The following UBE2L3 variants were observed in gnomAD, a reference collection of about 807,000 sequenced individuals.
UBE2L3 encodes the protein ubiquitin-conjugating enzyme E2 L3.
UBE2L3 carries 1 observed loss-of-function variant against 17.8 expected under a neutral mutation model. That is an observed-to-expected ratio of 0.06 (90% confidence interval 0.02 to 0.27). The LOEUF (loss-of-function observed/expected upper bound fraction) is 0.27, where lower values mean the gene tolerates loss of function less well. UBE2L3 is among the 10% of genes least tolerant of loss of function. The probability of loss-of-function intolerance (pLI) is 1.00; values close to 1 mark genes in which losing one functional copy is unlikely to be tolerated. For missense variants in UBE2L3, 40 were observed against 192.6 expected (o/e 0.21, Z 4.69); for synonymous variants, 44 against 68.5 (o/e 0.64, Z 1.76).
intron 1 of UBE2L3, among the ~76,000 whole-genome samples, chr22:21,561,612 C>T (rs1309162183): frequency 1.3e-5 from 2 of 152,290 alleles, no homozygotes; most frequent in Non-Finnish European, 2.9e-5. Flanking sequence ...CATGCATCTT[C>T]CTGTCAGCTT....
intron 3 of UBE2L3, among the ~76,000 whole-genome samples, chr22:21,614,187 T>G (rs1199015829): frequency 2.6e-5 from 4 of 152,222 alleles, no homozygotes; most frequent in African/African-American, 9.6e-5. Context: ...GTGTCCCTGT[T>G]TTTCTGGTGC....
At chr22:21,595,756 G>A (rs1400649066) in intron 2 of UBE2L3, among the ~76,000 whole-genome samples, 1 of 152,094 alleles carries the variant, frequency 6.6e-6, no homozygotes, top group Non-Finnish European at 1.5e-5. Context: ...TACATTTTGT[G>A]TACTGCCCTT....
chr22:21,600,672 G>A (rs541948623), intron 2 of UBE2L3, among the ~76,000 whole-genome samples: 2 of 152,238 alleles, frequency 1.3e-5, no homozygotes, highest in African/African-American at 2.4e-5. Context: ...CTCCAGCCTG[G>A]GCGACAGAGT....
chr22:21,563,670 G>C (rs1288510700), upstream of UBE2L3, among the ~76,000 whole-genome samples: 2 of 143,480 alleles, frequency 1.4e-5, no homozygotes, highest in Non-Finnish European at 3.1e-5. Flanking sequence ...TCCCCCTCCC[G>C]GGTTCGAGCG....
rs180805219 is a variant in UBE2L3, at chr22:21,595,969, G to A, written c.123+3013G>A. Among the ~76,000 whole-genome samples the A allele has an allele frequency of 4.1e-3, 616 of 151,750 alleles. 6 individuals carry two copies. Among genetic ancestry groups the A allele is most frequent in the Non-Finnish European group, 5.4e-3 (368 of 67,894 alleles). On this transcript the variant is annotated intron_variant, in intron 2 of 3. Transcript: ENST00000342192. ...CAACCTCCGCCTCCCGGGTTCAAGCGATTCTCCTGCCTCAGCCTCCCAAGT... is the reference window on the plus strand; with the variant it reads ...CAACCTCCGCCTCCCGGGTTCAAGCAATTCTCCTGCCTCAGCCTCCCAAGT...
chr22:21,614,574 A>G, intron 3 of UBE2L3: 1 of 1,367,568 alleles, frequency 7.3e-7, no homozygotes, highest in Non-Finnish European at 9.8e-7. Flanking sequence ...AGCGTTCCCA[A>G]TTATGGCTTC....
chr22:21,615,728 T>C (rs1383425906), intron 3 of UBE2L3, among the ~76,000 whole-genome samples: 1 of 152,206 alleles, frequency 6.6e-6, no homozygotes, highest in Non-Finnish European at 1.5e-5. Context: ...TCGGCACTCG[T>C]CTATCACAGA....
At chr22:21,568,388 A>C (rs1267999423) in intron 1 of UBE2L3, 1 of 984,580 alleles carries the variant, frequency 1.0e-6, no homozygotes, top group Non-Finnish European at 1.2e-6. Context: ...GTAAGTTCCA[A>C]CTCCAGGAAG....
rs1930038947 is a variant in UBE2L3 at position 21,621,593 on chromosome 22, C to T, written c.389C>T (p.Ser130Phe). The T allele has an allele frequency of 5.6e-6, 9 of 1,611,334 alleles. No individual in the cohort carries two copies. The highest frequency in any genetic ancestry group is 7.6e-6 in the Non-Finnish European group (9 of 1,179,750). ...CGGGCTGACCTAGCTGAAGAATACT[C>T]TAAGGACCGTAAAAAATTCTGTAAG... The part of the protein sequence containing the change: ...PLRADLAEEY[S>F]KDRKKFCKNA... The change falls in exon 4 of 4, where the codon TCT becomes TTT. Residue 130 changes from serine to phenylalanine, a missense_variant. Transcript: ENST00000342192.
chr22:21,613,631 A>G (rs1929616662), intron 3 of UBE2L3, among the ~76,000 whole-genome samples: 1 of 152,156 alleles, frequency 6.6e-6, no homozygotes. Context: ...TATAACCCCT[A>G]TCAAAACTTT....
At chr22:21,559,894 G>A (rs957561982) in intron 1 of UBE2L3, among the ~76,000 whole-genome samples, 1 of 152,292 alleles carries the variant, frequency 6.6e-6, no homozygotes, top group African/African-American at 2.4e-5. Flanking sequence ...GCACTGGATG[G>A]GGCTGGATAC....
At chr22:21,595,612 T>G (rs1436840933) in intron 2 of UBE2L3, among the ~76,000 whole-genome samples, 3 of 152,198 alleles carry the variant, frequency 2.0e-5, no homozygotes, top group Non-Finnish European at 4.4e-5. Flanking sequence ...CCTAGAGACT[T>G]CATTGTTGCC....
chr22:21,592,513 A>G (rs565666755), intron 1 of UBE2L3, among the ~76,000 whole-genome samples: 1 of 152,186 alleles, frequency 6.6e-6, no homozygotes, highest in Non-Finnish European at 1.5e-5. Flanking sequence ...CTCCTGCCAC[A>G]TGTCTGCCCT....
At chr22:21,616,717 TG>T (rs1024105841) in intron 3 of UBE2L3, among the ~76,000 whole-genome samples, 2 of 150,072 alleles carry the variant, frequency 1.3e-5, no homozygotes, top group African/African-American at 2.5e-5. Flanking sequence ...CCCAGCTACT[TG>T]GGGGGCAAAA....
At chr22:21,561,103 G>C (rs1926416006) in intron 1 of UBE2L3, among the ~76,000 whole-genome samples, 2 of 152,254 alleles carry the variant, frequency 1.3e-5, no homozygotes, top group Non-Finnish European at 2.9e-5. Flanking sequence ...CTCAGGACTT[G>C]GTCTGGCCCT....
At chr22:21,591,089 C>G (rs1196310507) in intron 1 of UBE2L3, among the ~76,000 whole-genome samples, 8 of 152,292 alleles carry the variant, frequency 5.3e-5, no homozygotes, top group Non-Finnish European at 4.4e-5. Flanking sequence ...AGCAGGAGGA[C>G]CAGGTGGCAG....
intron 3 of UBE2L3, among the ~76,000 whole-genome samples, chr22:21,615,151 G>A (rs968204584): frequency 1.3e-5 from 2 of 151,720 alleles, no homozygotes; most frequent in African/African-American, 2.4e-5. Flanking sequence ...GCCAAACTCC[G>A]TCTCAAAACA....
At chr22:21,564,039 T>C (rs1926548375), upstream of UBE2L3, among the ~76,000 whole-genome samples, 1 of 138,896 alleles carries the variant, frequency 7.2e-6, no homozygotes, top group Admixed American at 7.1e-5. Context: ...CTTTCTTTCT[T>C]TTTTTTTTTT....
chr22:21,602,891 G>C (rs1928940549), intron 2 of UBE2L3, among the ~76,000 whole-genome samples: 1 of 152,200 alleles, frequency 6.6e-6, no homozygotes, highest in Admixed American at 6.5e-5. Flanking sequence ...TGTGTTCCGG[G>C]ACAGGAAGGC....
Sources: allele counts gnomAD v4.1 joint callset (sites outside exome capture counted in the v4.1 genomes callset), GRCh38; gene constraint gnomAD v4.1.1; transcripts MANE v1.5; gene names NCBI Gene and HGNC (gene_info 2026-07-23, HGNC 2026-07-21).